Variants in ATP11B observed in about 807,000 individuals in gnomAD.
ATP11B encodes ATPase phospholipid transporting 11B (putative), also known as phospholipid-transporting ATPase IF.
A neutral mutation model predicts 157.8 loss-of-function variants in ATP11B; 81 were observed. The ratio of observed to expected loss-of-function variants is 0.51; its 90% CI spans 0.43 to 0.62. The LOEUF is 0.62. ATP11B is among the 20% of genes least tolerant of loss of function. ATP11B has a pLI of 0.00. For synonymous variants in ATP11B, 451 were observed against 469.4 expected (o/e 0.96, Z 0.51); for missense variants, 1,165 against 1,402.2 (o/e 0.83, Z 2.70).
intron 29 of ATP11B, chr3:182,914,720 AC>A: frequency 2.0e-6 from 2 of 985,440 alleles, no homozygotes; most frequent in South Asian, 4.7e-5. Flanking sequence ...ACGAAAAAAA[AC>A]ACCTTTTGGT....
At chr3:182,869,803 C>T (rs1368138446) in intron 17 of ATP11B, among the ~76,000 whole-genome samples, 2 of 152,124 alleles carry the variant, frequency 1.3e-5, no homozygotes, top group Non-Finnish European at 2.9e-5. Context: ...ATCTTATACA[C>T]GAAATGTTCA....
intron 10 of ATP11B, among the ~76,000 whole-genome samples, chr3:182,853,973 G>A (rs1169267678): frequency 6.6e-6 from 1 of 152,150 alleles, no homozygotes; most frequent in Non-Finnish European, 1.5e-5. Context: ...AGAGAGTTGA[G>A]AAGTAGACCA....
At chr3:182,875,740 C>G (rs1236193195) in intron 19 of ATP11B, among the ~76,000 whole-genome samples, 1 of 152,038 alleles carries the variant, frequency 6.6e-6, no homozygotes, top group African/African-American at 2.4e-5. Context: ...CGCACCCGGC[C>G]CATATAGGGT....
intron 19 of ATP11B, among the ~76,000 whole-genome samples, chr3:182,875,531 T>G (rs981824101): frequency 6.6e-6 from 1 of 152,190 alleles, no homozygotes; most frequent in Admixed American, 6.5e-5. Flanking sequence ...AACCTCCGCC[T>G]TCCGGGTTCA....
At chr3:182,830,274 G>A (rs1560069902) in intron 4 of ATP11B, among the ~76,000 whole-genome samples, 1 of 148,726 alleles carries the variant, frequency 6.7e-6, no homozygotes, top group African/African-American at 2.5e-5. Context: ...CCTGAGCCGT[G>A]ATTATGTCAC....
At chr3:182,840,194 T>C (rs1235949714) in intron 7 of ATP11B, among the ~76,000 whole-genome samples, 1 of 152,190 alleles carries the variant, frequency 6.6e-6, no homozygotes, top group Non-Finnish European at 1.5e-5. Context: ...AGTTCATTGC[T>C]TTCTCCTCTT....
intron 25 of ATP11B, among the ~76,000 whole-genome samples, chr3:182,890,414 A>G (rs567241765): frequency 6.6e-6 from 1 of 152,214 alleles, no homozygotes; most frequent in Non-Finnish European, 1.5e-5. Context: ...ATTGAAGGCC[A>G]GCTATTCCCA....
At chr3:182,884,637 T>C (rs755569796) in intron 21 of ATP11B, 116 bp from the exon 22 acceptor site, 9 of 998,786 alleles carry the variant, frequency 9.0e-6, no homozygotes, top group Non-Finnish European at 1.3e-5. Context: ...TGCTGTATAT[T>C]AGGATTTAAT....
chr3:182,852,240 C>G (rs4859251), intron 10 of ATP11B, among the ~76,000 whole-genome samples: 18,381 of 152,216 alleles, frequency 0.12, 1,255 homozygotes, highest in African/African-American at 0.18. Context: ...AAACCCAACA[C>G]ATCTACATTT....
At position 182,845,542 on chromosome 3, in the gene ATP11B, T is replaced by TG; in HGVS notation, c.769+20_769+21insG. On this transcript the variant is annotated intron_variant, in intron 9 of 29. Coordinates refer to ENST00000323116, the MANE Select transcript of ATP11B (RefSeq NM_014616.3). ...TTTTTGGTTTGTACATATTTAAACA[T>TG]TTTAAATTATTGATTTGTGTTGATG... The TG allele has an allele frequency of 6.6e-7, 1 of 1,521,338 alleles. No individual in the cohort carries two copies. The highest frequency in any genetic ancestry group is 8.9e-7 in the Non-Finnish European group (1 of 1,123,840). 94.2% of individuals were successfully genotyped at this position (1,521,338 alleles called of 1,614,324 possible).
At chr3:182,862,902 T>G (rs1720951645) in intron 12 of ATP11B, among the ~76,000 whole-genome samples, 1 of 151,610 alleles carries the variant, frequency 6.6e-6, no homozygotes, top group Non-Finnish European at 1.5e-5. Context: ...AACCACAAGT[T>G]GATCCATTTA....
chr3:182,848,385 C>A, intron 9 of ATP11B, 91 bp from the exon 10 acceptor site: 1 of 705,892 alleles, frequency 1.4e-6, no homozygotes, highest in South Asian at 3.9e-5. Flanking sequence ...TCAGACAGTA[C>A]ACTAAAAGCT....
intron 26 of ATP11B, 83 bp from the exon 27 acceptor site, chr3:182,897,220 T>C (rs908821851): frequency 3.8e-5 from 28 of 739,416 alleles, no homozygotes; most frequent in Middle Eastern, 3.0e-4. Flanking sequence ...TAGATACTTA[T>C]GTTTATTCTT....
intron 1 of ATP11B, among the ~76,000 whole-genome samples, chr3:182,797,956 G>A (rs972496975): frequency 1.2e-4 from 18 of 152,202 alleles, no homozygotes; most frequent in African/African-American, 4.3e-4. Context: ...GGTAAGAATA[G>A]TGAGATCCTG....
chr3:182,875,804 A>G (rs1424463608), intron 19 of ATP11B, among the ~76,000 whole-genome samples: 2 of 152,182 alleles, frequency 1.3e-5, no homozygotes, highest in Non-Finnish European at 2.9e-5. Flanking sequence ...GTGCAAAAAG[A>G]CAATTAATTT....
At chr3:182,909,101 A>G (rs1724585693) in intron 28 of ATP11B, among the ~76,000 whole-genome samples, 1 of 152,228 alleles carries the variant, frequency 6.6e-6, no homozygotes, top group Non-Finnish European at 1.5e-5. Context: ...GAAATGTGAG[A>G]CATTTTTCTA....
intron 29 of ATP11B, chr3:182,914,315 T>C: frequency 9.9e-7 from 1 of 1,010,850 alleles, no homozygotes; most frequent in African/African-American, 1.7e-5. Context: ...AACTTTCTTT[T>C]TTAAATTATA....
At chr3:182,800,434 C>T (rs887386415) in intron 1 of ATP11B, among the ~76,000 whole-genome samples, 3 of 152,002 alleles carry the variant, frequency 2.0e-5, no homozygotes, top group African/African-American at 7.2e-5. Context: ...CACTATGTTT[C>T]CCAGGCTGGT....
At chr3:182,898,500 C>A (rs1276424791) in intron 27 of ATP11B, 107 bp from the exon 28 acceptor site, 1 of 770,004 alleles carries the variant, frequency 1.3e-6, no homozygotes, top group Non-Finnish European at 1.9e-6. Flanking sequence ...CAGTTTTGAA[C>A]ATTTTCTTGG....
Sources: allele counts gnomAD v4.1 joint callset (sites outside exome capture counted in the v4.1 genomes callset), GRCh38; gene constraint gnomAD v4.1.1; transcripts MANE v1.5; gene names NCBI Gene and HGNC (gene_info 2026-07-23, HGNC 2026-07-21).